The following TMOD3 variants were observed in gnomAD, a reference collection of about 807,000 sequenced individuals.
TMOD3 encodes tropomodulin-3.
Under a neutral mutation model 39.2 loss-of-function variants are expected in TMOD3, and 20 were observed. The observed-to-expected ratio is 0.51, with a 90% CI of 0.36 to 0.74. The LOEUF (loss-of-function observed/expected upper bound fraction) is 0.74, where lower values mean the gene tolerates loss of function less well. TMOD3 is among the 30% of genes least tolerant of loss of function. TMOD3 has a pLI of 0.00. For missense variants in TMOD3, 381 were observed against 412.8 expected, an observed-to-expected ratio of 0.92 and a Z score of 0.67; for synonymous variants, 143 against 145.8, an observed-to-expected ratio of 0.98 and a Z score of 0.14.
In TMOD3 at chr15:51,829,784, G is replaced by T. The variant is rs2056244052; in HGVS notation, c.-127G>T. 1 of 152,460 alleles carries T rather than the reference G, an allele frequency of 6.6e-6. No homozygotes were observed. The allele number at this position is 152,460 out of a possible 1,614,324, so 9.4% of individuals were successfully genotyped here. A position where few individuals can be genotyped will look rare whatever the true frequency, so the allele number is the denominator to read the frequency against. ...GGAACCGAGCCTCGGCTTGCGGCCG[G>T]CAGTTTCCGTGGGTCTGTGAAGAGG... On this transcript the variant is annotated 5_prime_UTR_variant, in exon 1 of 10. Coordinates refer to ENST00000308580, the MANE Select transcript of TMOD3 (RefSeq NM_014547.5).
chr15:51,896,843 A>T (rs1294120262), intron 7 of TMOD3, among the ~76,000 whole-genome samples: 1 of 152,136 alleles, frequency 6.6e-6, no homozygotes, highest in Admixed American at 6.6e-5. Flanking sequence ...ATACATAGGG[A>T]TCTACCACAT....
In TMOD3 at chr15:51,887,596, A is replaced by T. The variant is rs1382064861; in HGVS notation, c.291A>T (p.Ile97=). 1.9e-6 allele frequency: 3 copies of T among 1,610,724 alleles called. No individual in the cohort carries two copies. In the African/African-American group the frequency reaches 4.0e-5, roughly 22 times the overall value. The change falls in exon 4 of 10, where the codon ATA becomes ATT. Residue 97 remains isoleucine, a synonymous_variant. Coordinates refer to ENST00000308580, the MANE Select transcript of TMOD3 (RefSeq NM_014547.5). The part of the protein sequence containing the change: ...VPYTGEKKGK[I]FIPKQKPVQT... ...AAATGCTTTATTTTACAGGGAAAAT[A>T]TTTATCCCCAAACAGAAACCTGTAC...
intron 1 of TMOD3, among the ~76,000 whole-genome samples, chr15:51,838,253 AC>A (rs1426876922): frequency 1.3e-5 from 2 of 152,142 alleles, no homozygotes; most frequent in East Asian, 3.9e-4. Context: ...CTGACCACCC[AC>A]AGTGATCTCT....
intron 3 of TMOD3, among the ~76,000 whole-genome samples, chr15:51,886,509 T>C (rs562577862): frequency 1.3e-5 from 2 of 152,064 alleles, no homozygotes; most frequent in East Asian, 3.9e-4. Flanking sequence ...CACCAAAGAA[T>C]ACAAAAACCA....
rs111813783 is a variant in TMOD3 at position 51,839,163 on chromosome 15, C to CTT, written c.-75+9328_-75+9329insTT. Among the ~76,000 whole-genome samples the CTT allele has an allele frequency of 1.9e-4, 21 of 109,832 alleles. 3 individuals are homozygous for CTT. The highest frequency in any genetic ancestry group is 1.2e-3 in the South Asian group (4 of 3,468). 72.1% of individuals were successfully genotyped at this position (109,832 alleles called of 152,430 possible). On this transcript the variant is annotated intron_variant, in intron 1 of 9. Coordinates refer to ENST00000308580, the MANE Select transcript of TMOD3 (RefSeq NM_014547.5). Reference sequence around the variant, plus strand: ...TGACAGCTAAGAAATAGGTGTATCTCTCTTTTTTTTTTTTTCCATTTTGTT... The same window carrying CTT: ...TGACAGCTAAGAAATAGGTGTATCTCTTTCTTTTTTTTTTTTTCCATTTTGTT...
chr15:51,834,108 T>C (rs1312411749), intron 1 of TMOD3, among the ~76,000 whole-genome samples: 2 of 152,198 alleles, frequency 1.3e-5, no homozygotes, highest in African/African-American at 4.8e-5. Flanking sequence ...GTTCAAGTCT[T>C]ACCTAGTCTT....
chr15:51,853,156 GAGA>G (rs1029746402), intron 1 of TMOD3, among the ~76,000 whole-genome samples: 1 of 152,170 alleles, frequency 6.6e-6, no homozygotes, highest in African/African-American at 2.4e-5. Context: ...GGTGAACATT[GAGA>G]AGAATAAGAG....
In TMOD3 at chr15:51,867,031, CCA is replaced by C. The variant is rs1369853042; in HGVS notation, c.127-2179_127-2178del. 4.0e-5 allele frequency among the ~76,000 whole-genome samples: 6 copies of C among 151,768 alleles called. No individual in the cohort carries two copies. In the East Asian group the frequency reaches 9.7e-4, roughly 24 times the overall value. Reference sequence around the variant, plus strand: ...GGCAGAGCATTCCAGGGAAGGGAGACCACACACATAGAGGCCTGGTGGTAGAA... The same window carrying C: ...GGCAGAGCATTCCAGGGAAGGGAGACCACACATAGAGGCCTGGTGGTAGAA... On this transcript the variant is annotated intron_variant, in intron 2 of 9. Transcript: ENST00000308580.
chr15:51,879,508 A>G (rs919069587), intron 3 of TMOD3, among the ~76,000 whole-genome samples: 1 of 151,958 alleles, frequency 6.6e-6, no homozygotes, highest in African/African-American at 2.4e-5. Context: ...ACTGAAAGGT[A>G]AAAATGTTTT....
intron 1 of TMOD3, among the ~76,000 whole-genome samples, chr15:51,836,723 C>CAA (rs760890596): frequency 5.4e-5 from 7 of 129,302 alleles, no homozygotes; most frequent in Non-Finnish European, 9.7e-5. Context: ...TGCTCCGTCT[C>CAA]AAAAAAAAAA....
intron 3 of TMOD3, among the ~76,000 whole-genome samples, 171 bp downstream of exon 3, chr15:51,869,544 A>C (rs1449042680): frequency 6.6e-6 from 1 of 152,192 alleles, no homozygotes; most frequent in Admixed American, 6.5e-5. Context: ...TTTTTCATCA[A>C]CTTGGTCAAT....
chr15:51,845,658 G>C (rs141909749), intron 1 of TMOD3, among the ~76,000 whole-genome samples: 79 of 152,300 alleles, frequency 5.2e-4, no homozygotes, highest in African/African-American at 1.7e-3. Context: ...TCAGTAAGCT[G>C]AGGTGGGAGA....
chr15:51,884,339 C>CA lies in TMOD3; in HGVS notation c.284-3249dup, dbSNP rs144405343. On this transcript the variant is annotated intron_variant, in intron 3 of 9. Coordinates refer to ENST00000308580, the MANE Select transcript of TMOD3 (RefSeq NM_014547.5). ...CCTTGAAAAGCATGCAAAAGGCAAA[C>CA]ACATGTGCAGAATGTCTAAGTGTAG... Among the ~76,000 whole-genome samples, 316 of 152,280 alleles carry CA rather than the reference C, an allele frequency of 2.1e-3. 2 individuals carry two copies. The highest frequency in any genetic ancestry group is 0.012 in the East Asian group (61 of 5,186).
chr15:51,854,526 C>G (rs903667425), intron 1 of TMOD3, among the ~76,000 whole-genome samples: 10 of 152,184 alleles, frequency 6.6e-5, no homozygotes, highest in African/African-American at 2.2e-4. Flanking sequence ...CTCTCTGAAT[C>G]ATATGATTCT....
At chr15:51,845,101 A>G (rs2141671893) in intron 1 of TMOD3, among the ~76,000 whole-genome samples, 1 of 152,204 alleles carries the variant, frequency 6.6e-6, no homozygotes, top group Admixed American at 6.5e-5. Flanking sequence ...TTTTTCCCCC[A>G]AGATTGGGTT....
intron 3 of TMOD3, among the ~76,000 whole-genome samples, chr15:51,882,482 G>A (rs1043310313): frequency 1.3e-5 from 2 of 152,098 alleles, no homozygotes; most frequent in Non-Finnish European, 2.9e-5. Context: ...CTGGGTGACC[G>A]AGTGAGAGAC....
intron 6 of TMOD3, among the ~76,000 whole-genome samples, chr15:51,894,806 G>A (rs987367345): frequency 5.3e-5 from 8 of 152,130 alleles, no homozygotes; most frequent in Admixed American, 2.0e-4. Flanking sequence ...AGTTTGGGAT[G>A]TTTATTAATA....
intron 3 of TMOD3, among the ~76,000 whole-genome samples, chr15:51,876,287 C>T (rs565770233): frequency 6.6e-6 from 1 of 152,122 alleles, no homozygotes; most frequent in South Asian, 2.1e-4. Flanking sequence ...TTCTGCCTCA[C>T]CCTCCTAAGT....
intron 1 of TMOD3, among the ~76,000 whole-genome samples, chr15:51,841,451 T>C (rs987463864): frequency 6.6e-6 from 1 of 152,200 alleles, no homozygotes; most frequent in African/African-American, 2.4e-5. Context: ...TATTTTCTTT[T>C]ACTTGTATGT....
Sources: gnomAD v4.1 joint callset for allele counts (sites outside exome capture counted in the v4.1 genomes callset) on GRCh38, gnomAD v4.1.1 for gene constraint, MANE v1.5 for transcripts, NCBI Gene and HGNC (gene_info 2026-07-23, HGNC 2026-07-21) for gene names.